The following RAB18 variants were observed in gnomAD, a reference collection of about 807,000 sequenced individuals.
RAB18 encodes the protein ras-related protein Rab-18.
RAB18 carries 10 observed loss-of-function variants against 28.5 expected under a neutral mutation model. That is an observed-to-expected ratio of 0.35 (90% CI 0.22 to 0.60). The LOEUF (loss-of-function observed/expected upper bound fraction) is 0.60. Ranked by LOEUF, RAB18 falls within the 20% of genes least tolerant of loss-of-function variation. The pLI, the probability that RAB18 is intolerant of heterozygous loss-of-function variation, is 0.78. For synonymous variants in RAB18, 93 were observed against 86.9 expected (o/e 1.07, Z -0.39); for missense variants, 188 against 244.2 (o/e 0.77, Z 1.53).
At chr10:27,516,112 A>G (rs906552960) in intron 2 of RAB18, among the ~76,000 whole-genome samples, 17 of 152,008 alleles carry the variant, frequency 1.1e-4, no homozygotes, top group African/African-American at 4.1e-4. Context: ...GTTAAGATAA[A>G]TATTAAGTCC....
At chr10:27,523,758 G>A (rs961078912) in intron 2 of RAB18, among the ~76,000 whole-genome samples, 1 of 151,864 alleles carries the variant, frequency 6.6e-6, no homozygotes, top group East Asian at 2.0e-4. Flanking sequence ...GACTACAGGC[G>A]CAAGCCACCA....
intron 2 of RAB18, among the ~76,000 whole-genome samples, chr10:27,520,037 T>A (rs553863732): frequency 2.0e-4 from 31 of 152,206 alleles, no homozygotes; most frequent in Non-Finnish European, 4.1e-4. Context: ...TGCATCAAGA[T>A]GATGATCATG....
chr10:27,536,054 C>G (rs1213744571), intron 6 of RAB18, among the ~76,000 whole-genome samples: 1 of 149,192 alleles, frequency 6.7e-6, no homozygotes, highest in Non-Finnish European at 1.5e-5. Flanking sequence ...TGCACTCCAG[C>G]CTGGGCGACA....
chr10:27,511,802 T>C (rs11015830), intron 2 of RAB18, among the ~76,000 whole-genome samples: 5,158 of 152,276 alleles, frequency 0.034, 280 homozygotes, highest in African/African-American at 0.12. Context: ...GCCCTCCTGT[T>C]GTAGCATCCA....
At chr10:27,523,213 A>C (rs1471157262) in intron 2 of RAB18, among the ~76,000 whole-genome samples, 1 of 143,730 alleles carries the variant, frequency 7.0e-6, no homozygotes, top group African/African-American at 2.6e-5. Context: ...AAAATATTTA[A>C]TTTAAAATAC....
At chr10:27,527,341 A>G (rs1230206104) in intron 3 of RAB18, among the ~76,000 whole-genome samples, 2 of 152,086 alleles carry the variant, frequency 1.3e-5, no homozygotes, top group Admixed American at 6.6e-5. Flanking sequence ...CTTATTTTTA[A>G]TGCCTCGTTT....
intron 2 of RAB18, 119 bp downstream of exon 2, chr10:27,510,049 C>T (rs1367978986): frequency 1.3e-6 from 1 of 773,868 alleles, no homozygotes; most frequent in East Asian, 2.6e-5. Context: ...CTGTTGAAAT[C>T]TTATTTGTCC....
At chr10:27,510,114 A>C in intron 2 of RAB18, 184 bp downstream of exon 2, 1 of 615,930 alleles carries the variant, frequency 1.6e-6, no homozygotes, top group South Asian at 1.9e-5. Context: ...AGATCTTACC[A>C]AGAGAAAATA....
chr10:27,530,441 C>G (rs995697503), intron 3 of RAB18, among the ~76,000 whole-genome samples: 35 of 147,894 alleles, frequency 2.4e-4, no homozygotes, highest in African/African-American at 8.5e-4. Flanking sequence ...TTCTTTCTCT[C>G]TAAAACAGAT....
At position 27,509,890 on chromosome 10, in the gene RAB18, C is replaced by T; in HGVS notation, c.84C>T (p.Phe28=). 6.2e-7 allele frequency: 1 copy of T among 1,613,026 alleles called. No homozygotes were observed. Residue 28 remains phenylalanine (F), a synonymous_variant, in exon 2 of 7, where the codon TTC becomes TTT. Coordinates refer to ENST00000356940, the MANE Select transcript of RAB18 (RefSeq NM_021252.5). ...GVGKSSLLLR[F]TDDTFDPELA... ...TCTCTTTCAGCCTGCTCTTGAGGTT[C>T]ACAGATGATACGTTTGATCCAGAAC...
At chr10:27,531,789 CT>C (rs879869186) in intron 3 of RAB18, among the ~76,000 whole-genome samples, 75 of 144,706 alleles carry the variant, frequency 5.2e-4, no homozygotes, top group Admixed American at 6.2e-4. Flanking sequence ...TAGGTTCATT[CT>C]TTTTTTTTTT....
At chr10:27,535,153 A>ATC (rs1834867750) in intron 6 of RAB18, among the ~76,000 whole-genome samples, 1 of 152,206 alleles carries the variant, frequency 6.6e-6, no homozygotes, top group African/African-American at 2.4e-5. Flanking sequence ...TCAGGTGAGG[A>ATC]TCTAGAGCAA....
intron 3 of RAB18, among the ~76,000 whole-genome samples, chr10:27,532,300 T>G (rs1173556404): frequency 6.6e-6 from 1 of 150,922 alleles, no homozygotes; most frequent in East Asian, 1.9e-4. Flanking sequence ...TTACATAGTT[T>G]CATTTTTCTA....
At chr10:27,521,930 A>T (rs940749997) in intron 2 of RAB18, among the ~76,000 whole-genome samples, 1 of 151,810 alleles carries the variant, frequency 6.6e-6, no homozygotes, top group Non-Finnish European at 1.5e-5. Flanking sequence ...AGGGAGAGGA[A>T]GGGGAGACGC....
chr10:27,504,489 G>C (rs968585606), intron 1 of RAB18, 52 bp downstream of exon 1: 10 of 1,535,544 alleles, frequency 6.5e-6, no homozygotes, highest in African/African-American at 2.7e-5. Context: ...TTTCTGCCCC[G>C]GTGGCTGCTG....
intron 1 of RAB18, among the ~76,000 whole-genome samples, chr10:27,507,442 G>T (rs965667715): frequency 2.6e-5 from 4 of 152,042 alleles, no homozygotes; most frequent in African/African-American, 9.7e-5. Context: ...CAATTCTGTG[G>T]CTAGGCCTGG....
At chr10:27,533,672 T>C (rs1834833586) in intron 4 of RAB18, 63 bp from the exon 5 acceptor site, 3 of 1,579,868 alleles carry the variant, frequency 1.9e-6, no homozygotes, top group Non-Finnish European at 2.6e-6. Flanking sequence ...TAGCTACATA[T>C]CAGAAATACG....
At position 27,541,654 on chromosome 10, in the gene RAB18, T is replaced by A; in HGVS notation, c.*3603T>A. The A allele has an allele frequency of 2.2e-6, 1 of 452,262 alleles. No individual in the cohort carries two copies. The highest frequency in any genetic ancestry group is 4.4e-6 in the Non-Finnish European group (1 of 226,440). The allele number at this position is 452,262 out of a possible 1,614,324, so 28.0% of individuals were successfully genotyped here. A position where few individuals can be genotyped will look rare whatever the true frequency, so the allele number is the denominator to read the frequency against. On this transcript the variant is annotated 3_prime_UTR_variant, in exon 7 of 7. Coordinates refer to ENST00000356940, the MANE Select transcript of RAB18 (RefSeq NM_021252.5). The stretch of plus-strand genomic sequence containing the variant: ...TTCTTGCTTTTTTTTTTTTTCCTCT[T>A]TTTTAACCGGAGAAGCAACAAATTA...
chr10:27,537,905 C>A lies in RAB18; in HGVS notation c.475C>A (p.Gln159Lys). 1 of 1,614,084 alleles carries A rather than the reference C, an allele frequency of 6.2e-7. No individual in the cohort carries two copies. The highest frequency in any genetic ancestry group is 2.2e-5 in the East Asian group (1 of 44,872). Reference sequence around the variant, plus strand: ...AAGTGCAAAAACCTGTGATGGTGTACAATGTGCCTTTGAAGAACTTGTTGA... The same window carrying A: ...AAGTGCAAAAACCTGTGATGGTGTAAAATGTGCCTTTGAAGAACTTGTTGA... ...EASAKTCDGV[Q>K]CAFEELVEKI... The change falls in exon 7 of 7, where the codon CAA (glutamine) becomes AAA (lysine). Residue 159 changes from glutamine (Q) to lysine (K), a missense_variant. Coordinates refer to ENST00000356940, the MANE Select transcript of RAB18 (RefSeq NM_021252.5).
Sources: gnomAD v4.1 joint callset for allele counts (sites outside exome capture counted in the v4.1 genomes callset) on GRCh38, gnomAD v4.1.1 for gene constraint, MANE v1.5 for transcripts, NCBI Gene and HGNC (gene_info 2026-07-23, HGNC 2026-07-21) for gene names.